Variants in COL28A1 observed in about 807,000 individuals in gnomAD.
COL28A1 encodes collagen alpha-1(XXVIII) chain.
In COL28A1, 161 loss-of-function variants were observed where a neutral mutation model predicts 150.2. The ratio of observed to expected loss-of-function variants is 1.07; its 90% CI spans 0.94 to 1.22. The LOEUF (loss-of-function observed/expected upper bound fraction) is 1.22. COL28A1 is among the 50% of genes most tolerant of loss of function. The probability of loss-of-function intolerance (pLI) is 0.00; values close to 1 mark genes in which losing one functional copy is unlikely to be tolerated. For missense variants in COL28A1, 1,617 were observed against 1,388.3 expected, an observed-to-expected ratio of 1.16 and a Z score of -2.62; for synonymous variants, 552 against 469.7, an observed-to-expected ratio of 1.18 and a Z score of -2.26.
At chr7:7,503,811 TA>T (rs1262634675) in intron 11 of COL28A1, among the ~76,000 whole-genome samples, 3 of 152,076 alleles carry the variant, frequency 2.0e-5, no homozygotes, top group Non-Finnish European at 2.9e-5. Flanking sequence ...GAACTATGAC[TA>T]GAAAGAAAAG....
Position 7,456,053 on chromosome 7 carries a change from T to C in COL28A1, c.1362A>G (p.Gln454=). The C allele has an allele frequency of 6.2e-7, 1 of 1,613,924 alleles. No homozygotes were observed. The highest frequency in any genetic ancestry group is 8.5e-7 in the Non-Finnish European group (1 of 1,179,874). Residue 454 remains glutamine (Q), a synonymous_variant, in exon 16 of 35, where the codon CAA becomes CAG. Transcript: ENST00000399429. ...GPMGIPGIGS[Q]GEQGIQGPIG... ...AGAATGCATTAATTACCTGTTCCCC[T>C]TGACTCCCGATTCCAGGGATACCCA...
At chr7:7,477,885 G>C (rs1310963023) in intron 13 of COL28A1, among the ~76,000 whole-genome samples, 4 of 152,166 alleles carry the variant, frequency 2.6e-5, no homozygotes, top group African/African-American at 9.7e-5. Context: ...CGATTGGTCT[G>C]TTTTGCAGAG....
At chr7:7,419,186 C>A (rs77160714) in intron 26 of COL28A1, among the ~76,000 whole-genome samples, 1 of 152,164 alleles carries the variant, frequency 6.6e-6, no homozygotes, top group African/African-American at 2.4e-5. Context: ...CTAGGTTTCT[C>A]AAACTCAGCA....
rs1468940713 is a variant in COL28A1, at chr7:7,524,332, G to T, written c.682-83C>A. 5 of 818,076 alleles carry T rather than the reference G, an allele frequency of 6.1e-6. No homozygotes were observed. In the African/African-American group the frequency reaches 6.8e-5, roughly 11 times the overall value. The allele number at this position is 818,076 out of a possible 1,614,324, so 50.7% of individuals were successfully genotyped here. A position where few individuals can be genotyped will look rare whatever the true frequency, so the allele number is the denominator to read the frequency against. ...TTATTAGTCATAACTATTCCCTATG[G>T]GATATGAAGTTTCCACAAAGAATAG... On this transcript the variant is annotated intron_variant, in intron 3 of 34. Coordinates refer to ENST00000399429, the MANE Select transcript of COL28A1 (RefSeq NM_001037763.3).
rs1313361332 is a variant in COL28A1, at chr7:7,490,940, T to C, written c.1027-294A>G. Among the ~76,000 whole-genome samples the C allele has an allele frequency of 3.9e-5, 6 of 152,324 alleles. 1 individual carries two copies. In the South Asian group the frequency reaches 8.3e-4, roughly 21 times the overall value. ...AAAATAAAAATAAACATAATGACTA[T>C]ATAACAATGAATACAGCTTGCATTC... is the stretch of plus-strand genomic sequence containing the variant. On this transcript the variant is annotated intron_variant, in intron 11 of 34. Transcript: ENST00000399429.
At chr7:7,484,538 T>G (rs557608517) in intron 13 of COL28A1, among the ~76,000 whole-genome samples, 1 of 151,952 alleles carries the variant, frequency 6.6e-6, no homozygotes, top group South Asian at 2.1e-4. Flanking sequence ...CTTAAAAAAG[T>G]TCAAAAATAA....
intron 27 of COL28A1, 114 bp downstream of exon 27, chr7:7,417,745 C>T (rs933712649): frequency 4.7e-5 from 40 of 848,840 alleles, no homozygotes; most frequent in Admixed American, 1.0e-4. Flanking sequence ...CATTTAACTG[C>T]GAGGCTCACA....
chr7:7,391,187 C>T (rs1404389540), intron 27 of COL28A1, among the ~76,000 whole-genome samples: 1 of 152,116 alleles, frequency 6.6e-6, no homozygotes, highest in Non-Finnish European at 1.5e-5. Flanking sequence ...TCTTTGTTCT[C>T]CTTGGTTTCA....
At chr7:7,456,163 T>C (rs762166404) in intron 15 of COL28A1, 51 bp from the exon 16 acceptor site, 2 of 1,579,572 alleles carry the variant, frequency 1.3e-6, no homozygotes, top group Admixed American at 1.8e-5. Flanking sequence ...AATCTTATTA[T>C]TTCATACTTT....
intron 10 of COL28A1, 72 bp from the exon 11 acceptor site, chr7:7,506,139 TC>T: frequency 1.2e-6 from 1 of 839,974 alleles, no homozygotes; most frequent in Non-Finnish European, 2.1e-6. Context: ...TTCTTTAGGG[TC>T]CCTAGAGATC....
At chr7:7,499,179 G>A (rs1189507328) in intron 11 of COL28A1, among the ~76,000 whole-genome samples, 3 of 152,032 alleles carry the variant, frequency 2.0e-5, no homozygotes, top group African/African-American at 4.8e-5. Context: ...CTTTAATTAG[G>A]CCCAGAACAG....
chr7:7,449,840 T>A (rs911747945), intron 18 of COL28A1, among the ~76,000 whole-genome samples: 1 of 152,068 alleles, frequency 6.6e-6, no homozygotes, highest in Non-Finnish European at 1.5e-5. Context: ...TTACAAATAT[T>A]TTCTTGAAAA....
chr7:7,510,993 T>C (rs1781101544), intron 9 of COL28A1, 98 bp downstream of exon 9: 4 of 913,470 alleles, frequency 4.4e-6, no homozygotes, highest in African/African-American at 3.3e-5. Flanking sequence ...CCAACTCTAG[T>C]AGTGAGATCA....
chr7:7,542,060 G>C, the COL28A1 span, among the ~76,000 whole-genome samples: 1 of 152,278 alleles, frequency 6.6e-6, no homozygotes, highest in South Asian at 2.1e-4. Context: ...CATAAAGAAA[G>C]AAGATGGGGC....
At chr7:7,507,055 A>G in intron 10 of COL28A1, 62 bp downstream of exon 10, 1 of 828,182 alleles carries the variant, frequency 1.2e-6, no homozygotes, top group Non-Finnish European at 2.1e-6. Context: ...GGGCAAGGGG[A>G]TGGTTTAAAA....
chr7:7,413,333 T>C (rs1488057148), intron 27 of COL28A1, among the ~76,000 whole-genome samples: 1 of 152,204 alleles, frequency 6.6e-6, no homozygotes, highest in African/African-American at 2.4e-5. Context: ...GGCACCAATA[T>C]ACTTCAGAGC....
intron 13 of COL28A1, among the ~76,000 whole-genome samples, chr7:7,481,324 A>G (rs890413647): frequency 6.6e-6 from 1 of 152,236 alleles, no homozygotes; most frequent in African/African-American, 2.4e-5. Flanking sequence ...TGTAATTACT[A>G]TAAACCATCA....
At chr7:7,338,358 C>T in the COL28A1 span, among the ~76,000 whole-genome samples, 1 of 152,102 alleles carries the variant, frequency 6.6e-6, no homozygotes, top group East Asian at 1.9e-4. Context: ...TTTGTGTCAT[C>T]TCTGCTTTCT....
chr7:7,342,018 T>C, the COL28A1 span, among the ~76,000 whole-genome samples: 3 of 152,154 alleles, frequency 2.0e-5, no homozygotes, highest in Non-Finnish European at 4.4e-5. Context: ...TGTGTGTTAT[T>C]CTTTCAGTTA....
Sources: gnomAD v4.1 joint callset for allele counts (sites outside exome capture counted in the v4.1 genomes callset) on GRCh38, gnomAD v4.1.1 for gene constraint, MANE v1.5 for transcripts, NCBI Gene and HGNC (gene_info 2026-07-23, HGNC 2026-07-21) for gene names.